Variants in ZFYVE9 observed in about 807,000 individuals in gnomAD.
The protein encoded by ZFYVE9 is zinc finger FYVE domain-containing protein 9.
In ZFYVE9, 43 loss-of-function variants were observed where a neutral mutation model predicts 126.7. The ratio of observed to expected loss-of-function variants is 0.34; its 90% CI spans 0.27 to 0.44. The LOEUF (loss-of-function observed/expected upper bound fraction) is 0.44, where lower values mean the gene tolerates loss of function less well. Among genes scored for constraint, ZFYVE9 ranks in the 20% least tolerant of loss-of-function variants. The pLI is 1.00. For synonymous variants in ZFYVE9, 521 were observed against 597.4 expected (o/e 0.87, Z 1.87); for missense variants, 1,476 against 1,697.0 (o/e 0.87, Z 2.29).
At chr1:52,161,370 A>G (rs1483090256) in intron 1 of ZFYVE9, among the ~76,000 whole-genome samples, 1 of 152,112 alleles carries the variant, frequency 6.6e-6, no homozygotes, top group East Asian at 1.9e-4. Flanking sequence ...GCTCACTGCA[A>G]CCTCCGCCTC....
intron 4 of ZFYVE9, among the ~76,000 whole-genome samples, chr1:52,243,685 G>T (rs912988976): frequency 1.3e-5 from 2 of 152,040 alleles, no homozygotes; most frequent in Non-Finnish European, 2.9e-5. Context: ...TACTCCATAG[G>T]CTGAGCATGT....
intron 1 of ZFYVE9, among the ~76,000 whole-genome samples, chr1:52,184,603 G>A (rs1214080188): frequency 2.0e-5 from 3 of 148,248 alleles, no homozygotes; most frequent in Non-Finnish European, 4.5e-5. Flanking sequence ...GGTGGGGAGC[G>A]GGGGTGGGCG....
intron 13 of ZFYVE9, among the ~76,000 whole-genome samples, chr1:52,320,973 G>A (rs1168657635): frequency 6.6e-6 from 1 of 151,864 alleles, no homozygotes; most frequent in East Asian, 1.9e-4. Flanking sequence ...ACCTATCGAA[G>A]TCTCACACAA....
At chr1:52,230,237 T>C (rs532317476) in intron 2 of ZFYVE9, among the ~76,000 whole-genome samples, 1 of 150,806 alleles carries the variant, frequency 6.6e-6, no homozygotes, top group African/African-American at 2.4e-5. Context: ...GCGAGAGGGG[T>C]TCCTGTTAAC....
intron 8 of ZFYVE9, among the ~76,000 whole-genome samples, chr1:52,275,653 T>C (rs1222408779): frequency 6.6e-6 from 1 of 152,196 alleles, no homozygotes. Context: ...TGAAATTTTA[T>C]TGCTGACATA....
intron 1 of ZFYVE9, among the ~76,000 whole-genome samples, chr1:52,152,075 C>T (rs965308969): frequency 8.6e-5 from 13 of 152,008 alleles, no homozygotes; most frequent in African/African-American, 2.7e-4. Flanking sequence ...CTGCAACCTC[C>T]GCCTTCCAGG....
chr1:52,345,253 T>C (rs914729626), intron 18 of ZFYVE9, among the ~76,000 whole-genome samples: 1 of 152,132 alleles, frequency 6.6e-6, no homozygotes, highest in Non-Finnish European at 1.5e-5. Context: ...TGTTTACAAA[T>C]TGCCAGACCT....
chr1:52,285,288 A>G (rs1447162122), intron 10 of ZFYVE9, among the ~76,000 whole-genome samples: 1 of 152,172 alleles, frequency 6.6e-6, no homozygotes, highest in African/African-American at 2.4e-5. Context: ...ATATTTCACT[A>G]TAAATTTTTT....
chr1:52,271,874 T>C (rs1325204627), intron 7 of ZFYVE9, among the ~76,000 whole-genome samples: 2 of 152,188 alleles, frequency 1.3e-5, no homozygotes, highest in East Asian at 1.9e-4. Context: ...AGTTTTGCTC[T>C]TGTTGTCCAG....
intron 14 of ZFYVE9, among the ~76,000 whole-genome samples, chr1:52,333,289 TA>T (rs71579928): frequency 0.085 from 11,194 of 132,252 alleles, 772 homozygotes; most frequent in African/African-American, 0.21. Flanking sequence ...GTATAATAAT[TA>T]AAAAAAAAAA....
intron 10 of ZFYVE9, among the ~76,000 whole-genome samples, chr1:52,284,725 A>C (rs1645841697): frequency 6.6e-6 from 1 of 151,998 alleles, no homozygotes; most frequent in South Asian, 2.1e-4. Flanking sequence ...AGCAATGGTT[A>C]TTTTTTTAAA....
At chr1:52,270,619 A>C (rs556240275) in intron 7 of ZFYVE9, among the ~76,000 whole-genome samples, 11 of 152,258 alleles carry the variant, frequency 7.2e-5, no homozygotes, top group African/African-American at 2.6e-4. Context: ...TTTTTAAAAT[A>C]AAATTTATTT....
intron 2 of ZFYVE9, among the ~76,000 whole-genome samples, chr1:52,216,885 A>T (rs1468923821): frequency 6.6e-6 from 1 of 152,192 alleles, no homozygotes; most frequent in South Asian, 2.1e-4. Context: ...GTAAGTTATT[A>T]TGTAGAGCAA....
rs1385258089 is a variant in ZFYVE9, at chr1:52,142,579, G to GT, written c.-143+177dup. On this transcript the variant is annotated intron_variant, in intron 1 of 18. Coordinates refer to ENST00000287727, the MANE Select transcript of ZFYVE9 (RefSeq NM_004799.4). This position sits in a 1 kb window ranked among gnomAD's most constrained non-coding sequence, Gnocchi z 4.5. Reference sequence around the variant, plus strand: ...CGCGTCCCCCGGGAGGCTGAAGGCCGTGGGGGGCGATTAGGCCCCGCGCCG... The same window carrying GT: ...CGCGTCCCCCGGGAGGCTGAAGGCCGTTGGGGGGCGATTAGGCCCCGCGCCG... Among the ~76,000 whole-genome samples, 2 of 152,130 alleles carry GT rather than the reference G, an allele frequency of 1.3e-5. No homozygotes were observed. Among genetic ancestry groups the GT allele is most frequent in the African/African-American group, 4.8e-5 (2 of 41,450 alleles).
intron 13 of ZFYVE9, among the ~76,000 whole-genome samples, chr1:52,332,150 C>T (rs947990149): frequency 1.4e-4 from 22 of 151,936 alleles, no homozygotes; most frequent in African/African-American, 4.6e-4. Context: ...TGGAGTTTAA[C>T]ATCAAGGTGA....
At chr1:52,345,847 C>G (rs1646478204) in intron 18 of ZFYVE9, 1 of 429,516 alleles carries the variant, frequency 2.3e-6, no homozygotes, top group Non-Finnish European at 4.1e-6. Flanking sequence ...GGTTAAGTGG[C>G]TTACCCAGTG....
chr1:52,279,027 C>T (rs1645776650), intron 9 of ZFYVE9, among the ~76,000 whole-genome samples: 1 of 152,072 alleles, frequency 6.6e-6, no homozygotes, highest in Admixed American at 6.5e-5. Context: ...GCATGAGCCA[C>T]CGCGCCTGGC....
At chr1:52,167,090 G>A (rs890213251) in intron 1 of ZFYVE9, among the ~76,000 whole-genome samples, 2 of 152,156 alleles carry the variant, frequency 1.3e-5, no homozygotes, top group Non-Finnish European at 2.9e-5. Context: ...CTTCATTAAA[G>A]TTGCATATTA....
At chr1:52,247,591 G>T (rs555979448) in intron 4 of ZFYVE9, among the ~76,000 whole-genome samples, 3 of 152,124 alleles carry the variant, frequency 2.0e-5, no homozygotes, top group African/African-American at 4.8e-5. Flanking sequence ...CTGCCTCCTG[G>T]GTTCAAGTGA....
Sources: allele counts gnomAD v4.1 joint callset (sites outside exome capture counted in the v4.1 genomes callset), GRCh38; gene constraint gnomAD v4.1.1; non-coding constraint Gnocchi (gnomAD v3.1); transcripts MANE v1.5; gene names NCBI Gene and HGNC (gene_info 2026-07-23, HGNC 2026-07-21).